GABRA4: variants seen among roughly 807,000 people sequenced by gnomAD.
GABRA4 encodes the protein gamma-aminobutyric acid receptor subunit alpha-4.
GABRA4 carries 12 observed loss-of-function variants against 49.7 expected under a neutral mutation model. That is an observed-to-expected ratio of 0.24 (90% confidence interval 0.15 to 0.39). GABRA4 has a LOEUF of 0.39. Ranked by LOEUF, GABRA4 falls within the 10% of genes least tolerant of loss-of-function variation. GABRA4 has a pLI of 1.00. For missense variants in GABRA4, 506 were observed against 686.0 expected (o/e 0.74, Z 2.93); for synonymous variants, 288 against 240.2 (o/e 1.20, Z -1.84).
In GABRA4 at chr4:46,925,253, T is replaced by C. The variant is rs1415530994; in HGVS notation, c.*2972A>G. The C allele has an allele frequency of 6.6e-6, 1 of 151,960 alleles. No individual in the cohort carries two copies. Among genetic ancestry groups the C allele is most frequent in the African/African-American group, 2.4e-5 (1 of 41,432 alleles). The allele number at this position is 151,960 out of a possible 1,614,324, so 9.4% of individuals were successfully genotyped here. On this transcript the variant is annotated 3_prime_UTR_variant, in exon 9 of 9. Coordinates refer to ENST00000264318, the MANE Select transcript of GABRA4 (RefSeq NM_000809.4). ...AAGTGTGACTCTACTCTCTACCTAC[T>C]TTAATACAAGATTTGTGAGGTCCAA...
At chr4:46,946,111 G>T (rs1018697224) in intron 8 of GABRA4, among the ~76,000 whole-genome samples, 5 of 152,048 alleles carry the variant, frequency 3.3e-5, no homozygotes, top group African/African-American at 1.2e-4. Context: ...GGTGATCCTG[G>T]CAAGACTGAT....
chr4:46,993,157 CTG>C (rs1345738697), intron 1 of GABRA4, among the ~76,000 whole-genome samples, 180 bp downstream of exon 1: 13 of 152,210 alleles, frequency 8.5e-5, no homozygotes, highest in Non-Finnish European at 1.5e-4. Context: ...CTCTTGGATC[CTG>C]CGCCCTTGGT....
At chr4:46,983,344 C>A (rs1409653886) in intron 2 of GABRA4, among the ~76,000 whole-genome samples, 2 of 152,060 alleles carry the variant, frequency 1.3e-5, no homozygotes, top group South Asian at 2.1e-4. Context: ...ATTCTTATTA[C>A]AGCATACTGC....
intron 7 of GABRA4, among the ~76,000 whole-genome samples, chr4:46,969,585 C>T: frequency 6.6e-6 from 1 of 151,468 alleles, no homozygotes; most frequent in Non-Finnish European, 1.5e-5. Context: ...TAAGTCTGAA[C>T]AAAATCTATC....
intron 8 of GABRA4, among the ~76,000 whole-genome samples, chr4:46,931,155 G>T (rs959257153): frequency 6.6e-6 from 1 of 152,020 alleles, no homozygotes; most frequent in Non-Finnish European, 1.5e-5. Flanking sequence ...ACTACCCAAG[G>T]CTGAAAGGAA....
rs1721299621 is a variant in GABRA4, at chr4:46,928,190, T to G, written c.*35A>C. The G allele has an allele frequency of 1.3e-6, 2 of 1,487,902 alleles. No individual in the cohort carries two copies. The highest frequency in any genetic ancestry group is 2.6e-5 in the South Asian group (2 of 75,756). 92.2% of individuals were successfully genotyped at this position (1,487,902 alleles called of 1,614,324 possible). Reference sequence around the variant, plus strand: ...ACATTTAAAAAGACATTCTGCATTTTCATCATCTTTTAGCAAACTACTATA... The same window carrying G: ...ACATTTAAAAAGACATTCTGCATTTGCATCATCTTTTAGCAAACTACTATA... On this transcript the variant is annotated 3_prime_UTR_variant, in exon 9 of 9. Transcript: ENST00000264318.
At chr4:46,979,923 G>A (rs1479682181) in intron 2 of GABRA4, among the ~76,000 whole-genome samples, 1 of 152,088 alleles carries the variant, frequency 6.6e-6, no homozygotes, top group African/African-American at 2.4e-5. Context: ...AAATGTGGGA[G>A]CATAATGACA....
At chr4:46,939,655 G>A (rs555804440) in intron 8 of GABRA4, among the ~76,000 whole-genome samples, 1 of 151,948 alleles carries the variant, frequency 6.6e-6, no homozygotes, top group African/African-American at 2.4e-5. Flanking sequence ...ACAGAAAAAA[G>A]TTTATCTGAA....
At chr4:46,938,112 T>G (rs932121597) in intron 8 of GABRA4, among the ~76,000 whole-genome samples, 11 of 152,154 alleles carry the variant, frequency 7.2e-5, no homozygotes, top group African/African-American at 2.4e-4. Context: ...TTAATATATA[T>G]AGAGAGAGAT....
rs1206089752 is a variant in GABRA4 at position 46,926,843 on chromosome 4, G to C, written c.*1382C>G. On this transcript the variant is annotated 3_prime_UTR_variant, in exon 9 of 9. Coordinates refer to ENST00000264318, the MANE Select transcript of GABRA4 (RefSeq NM_000809.4). Reference sequence around the variant, plus strand: ...CCTGATAAATCACATAGCAGAGTCAGTGGCATCCTACCCGACAGCTATTTT... The same window carrying C: ...CCTGATAAATCACATAGCAGAGTCACTGGCATCCTACCCGACAGCTATTTT... 1 of 151,848 alleles carries C rather than the reference G, an allele frequency of 6.6e-6. No individual in the cohort carries two copies. 9.4% of individuals were successfully genotyped at this position (151,848 alleles called of 1,614,324 possible). A position where few individuals can be genotyped will look rare whatever the true frequency, so the allele number is the denominator to read the frequency against.
At chr4:46,974,982 A>G (rs1723088899) in intron 5 of GABRA4, among the ~76,000 whole-genome samples, 1 of 151,854 alleles carries the variant, frequency 6.6e-6, no homozygotes, top group Admixed American at 6.6e-5. Flanking sequence ...TACACAACCA[A>G]TTCCACTACC....
rs1052998376 is a variant in GABRA4 at position 46,922,163 on chromosome 4, AG to A, written c.*6061del. 2.0e-5 allele frequency: 3 copies of A among 152,116 alleles called. No homozygotes were observed. The highest frequency in any genetic ancestry group is 7.2e-5 in the African/African-American group (3 of 41,428). 9.4% of individuals were successfully genotyped at this position (152,116 alleles called of 1,614,324 possible). ...TAGAATACTAAGGCTAATGTGGGGA[AG>A]GGGGTGGGACTACAAGCAATAATCA... On this transcript the variant is annotated 3_prime_UTR_variant, in exon 9 of 9. Transcript: ENST00000264318.
intron 8 of GABRA4, among the ~76,000 whole-genome samples, chr4:46,937,947 G>C (rs967415369): frequency 2.0e-5 from 3 of 152,104 alleles, no homozygotes; most frequent in Non-Finnish European, 4.4e-5. Flanking sequence ...ATGTGAATAA[G>C]TATGTTTCTG....
At chr4:46,955,441 TTTC>T (rs1427820150) in intron 8 of GABRA4, among the ~76,000 whole-genome samples, 1 of 152,136 alleles carries the variant, frequency 6.6e-6, no homozygotes, top group Non-Finnish European at 1.5e-5. Flanking sequence ...CTAAAATTGA[TTTC>T]TTCTTCTCTT....
In GABRA4 at chr4:46,965,153, G is replaced by A. The variant is rs975360044; in HGVS notation, c.951C>T (p.Thr317=). Residue 317 remains threonine (T), a synonymous_variant, in exon 8 of 9, where the codon ACC becomes ACT. Transcript: ENST00000264318. ...RHSLPKVSYA[T]AMDWFIAVCF... ...AGACAGCTATGAACCAGTCCATGGC[G>A]GTAGCATAGGACACTTTGGGCAAAG... 9.3e-6 allele frequency: 15 copies of A among 1,610,548 alleles called. No individual in the cohort carries two copies. The highest frequency in any genetic ancestry group is 4.0e-5 in the African/African-American group (3 of 74,616).
intron 8 of GABRA4, among the ~76,000 whole-genome samples, chr4:46,933,401 T>C (rs1721508043): frequency 6.6e-6 from 1 of 152,170 alleles, no homozygotes; most frequent in South Asian, 2.1e-4. Flanking sequence ...GCATTTAAGT[T>C]ATCTTGACTC....
chr4:46,949,902 C>G (rs940791558), intron 8 of GABRA4, among the ~76,000 whole-genome samples: 1 of 152,020 alleles, frequency 6.6e-6, no homozygotes, highest in East Asian at 1.9e-4. Context: ...ATATAAAAAT[C>G]TCACTCTACT....
chr4:46,960,019 C>T (rs560911723), intron 8 of GABRA4, among the ~76,000 whole-genome samples: 2 of 150,750 alleles, frequency 1.3e-5, no homozygotes, highest in African/African-American at 4.9e-5. Flanking sequence ...AAGTTAACTA[C>T]TAGTGATATA....
intron 8 of GABRA4, among the ~76,000 whole-genome samples, chr4:46,954,104 T>C (rs1277287333): frequency 6.6e-6 from 1 of 152,120 alleles, no homozygotes; most frequent in East Asian, 1.9e-4. Context: ...ATAAGCACAG[T>C]ATAATTGATG....
Sources: gnomAD v4.1 joint callset for allele counts (sites outside exome capture counted in the v4.1 genomes callset) on GRCh38, gnomAD v4.1.1 for gene constraint, MANE v1.5 for transcripts, NCBI Gene and HGNC (gene_info 2026-07-23, HGNC 2026-07-21) for gene names.